GPR158: variants seen among roughly 807,000 people sequenced by gnomAD.
GPR158 encodes the protein G protein-coupled receptor 158.
Under a neutral mutation model 78.2 loss-of-function variants are expected in GPR158, and 30 were observed. The ratio of observed to expected loss-of-function variants is 0.38; its 90% CI spans 0.29 to 0.52. The LOEUF (loss-of-function observed/expected upper bound fraction) is 0.52. Ranked by LOEUF, GPR158 falls within the 20% of genes least tolerant of loss-of-function variation. The pLI, the probability that GPR158 is intolerant of heterozygous loss-of-function variation, is 0.83. For missense variants in GPR158, 1,463 were observed against 1,523.5 expected, an observed-to-expected ratio of 0.96 and a Z score of 0.66; for synonymous variants, 581 against 591.1, an observed-to-expected ratio of 0.98 and a Z score of 0.25.
At chr10:25,423,693 G>A (rs1033108143) in intron 4 of GPR158, among the ~76,000 whole-genome samples, 2 of 152,094 alleles carry the variant, frequency 1.3e-5, no homozygotes, top group African/African-American at 4.8e-5. Flanking sequence ...CTTCATCCAT[G>A]TCCCTACAAA....
intron 5 of GPR158, among the ~76,000 whole-genome samples, chr10:25,467,073 G>T (rs1215369276): frequency 6.6e-6 from 1 of 152,080 alleles, no homozygotes; most frequent in African/African-American, 2.4e-5. Context: ...TACATTTTAG[G>T]GAGGCATGAG....
intron 9 of GPR158, among the ~76,000 whole-genome samples, chr10:25,594,920 C>T (rs955931370): frequency 1.3e-5 from 2 of 152,024 alleles, no homozygotes; most frequent in African/African-American, 4.8e-5. Context: ...GACTCGTGGA[C>T]CTTCCAGAAA....
chr10:25,373,899 A>T (rs537475176), intron 2 of GPR158, among the ~76,000 whole-genome samples: 10 of 151,906 alleles, frequency 6.6e-5, no homozygotes, highest in African/African-American at 1.9e-4. Context: ...AATGACATTT[A>T]TGCAGTGCTT....
intron 2 of GPR158, among the ~76,000 whole-genome samples, chr10:25,392,664 G>GT (rs397845562): frequency 0.014 from 2,084 of 149,680 alleles, 18 homozygotes; most frequent in Non-Finnish European, 0.018. Flanking sequence ...TATATTTACA[G>GT]TTTTTTTTTT....
At chr10:25,587,886 A>G (rs900695564) in intron 7 of GPR158, among the ~76,000 whole-genome samples, 1 of 152,250 alleles carries the variant, frequency 6.6e-6, no homozygotes, top group African/African-American at 2.4e-5. Flanking sequence ...TGGATGATCC[A>G]TGTTTTGAGT....
intron 2 of GPR158, among the ~76,000 whole-genome samples, chr10:25,327,834 A>G (rs1855058773): frequency 1.1e-5 from 1 of 90,372 alleles, no homozygotes; most frequent in Non-Finnish European, 3.4e-5. Context: ...GGTTTGAAAT[A>G]TCAAACTTGT....
chr10:25,288,691 C>T (rs775914957), intron 2 of GPR158, among the ~76,000 whole-genome samples: 61 of 152,164 alleles, frequency 4.0e-4, no homozygotes, highest in Non-Finnish European at 2.5e-4. Context: ...TTCATTCAGG[C>T]AGGGAACAAA....
intron 1 of GPR158, among the ~76,000 whole-genome samples, chr10:25,198,044 G>T (rs987804690): frequency 5.3e-5 from 8 of 152,084 alleles, no homozygotes; most frequent in Non-Finnish European, 1.2e-4. Flanking sequence ...GCAGACTCAA[G>T]ATATATTTTT....
chr10:25,241,174 TTTCTTTC>T (rs1853606407), intron 2 of GPR158, among the ~76,000 whole-genome samples: 1 of 111,834 alleles, frequency 8.9e-6, no homozygotes, highest in Non-Finnish European at 1.8e-5. Flanking sequence ...TCTTTCTTTC[TTTCTTTC>T]TTTCTTTCCT....
At chr10:25,395,508 C>G (rs1375914768) in intron 2 of GPR158, among the ~76,000 whole-genome samples, 1 of 152,122 alleles carries the variant, frequency 6.6e-6, no homozygotes, top group Non-Finnish European at 1.5e-5. Context: ...ACCTACCTGC[C>G]TATCTACCCA....
At chr10:25,186,680 T>A (rs1852691878) in intron 1 of GPR158, among the ~76,000 whole-genome samples, 1 of 152,162 alleles carries the variant, frequency 6.6e-6, no homozygotes, top group East Asian at 1.9e-4. Flanking sequence ...CAGGAAGAAG[T>A]TGAATCCCTG....
chr10:25,589,647 G>T (rs1046688427), intron 8 of GPR158, among the ~76,000 whole-genome samples: 1 of 152,140 alleles, frequency 6.6e-6, no homozygotes, highest in African/African-American at 2.4e-5. Flanking sequence ...TGTGCAATGG[G>T]CTTTGGTGCT....
At chr10:25,485,128 T>A (rs946595192) in intron 5 of GPR158, among the ~76,000 whole-genome samples, 1 of 151,588 alleles carries the variant, frequency 6.6e-6, no homozygotes, top group African/African-American at 2.4e-5. Context: ...AGAAAAAAAA[T>A]AGTTGTTAGA....
chr10:25,493,341 C>T (rs1835836635), intron 5 of GPR158, among the ~76,000 whole-genome samples: 1 of 152,166 alleles, frequency 6.6e-6, no homozygotes, highest in African/African-American at 2.4e-5. Flanking sequence ...TCATTCTATT[C>T]CAGCCAAGTT....
intron 2 of GPR158, among the ~76,000 whole-genome samples, chr10:25,245,935 A>G (rs1853683719): frequency 6.6e-6 from 1 of 152,230 alleles, no homozygotes; most frequent in Non-Finnish European, 1.5e-5. Flanking sequence ...AAGATACTCC[A>G]AAACTAATTT....
intron 2 of GPR158, among the ~76,000 whole-genome samples, chr10:25,248,586 T>G (rs1485950279): frequency 3.5e-4 from 53 of 151,286 alleles, no homozygotes; most frequent in East Asian, 9.7e-4. Context: ...TTTCCCCATT[T>G]CTTGTTTTTC....
intron 6 of GPR158, among the ~76,000 whole-genome samples, chr10:25,564,383 TTTC>T (rs1836901316): frequency 6.6e-6 from 1 of 152,222 alleles, no homozygotes; most frequent in South Asian, 2.1e-4. Flanking sequence ...GATCATCTCA[TTTC>T]CCATTCTTTC....
At chr10:25,378,568 ATTTC>A (rs1035044762) in intron 2 of GPR158, among the ~76,000 whole-genome samples, 2 of 151,482 alleles carry the variant, frequency 1.3e-5, no homozygotes, top group Non-Finnish European at 2.9e-5. Flanking sequence ...TTAATACAGT[ATTTC>A]TTTTTTTATT....
chr10:25,241,280 C>CCTTTCT (rs1853614048), intron 2 of GPR158, among the ~76,000 whole-genome samples: 2 of 24,626 alleles, frequency 8.1e-5, no homozygotes, highest in African/African-American at 3.0e-4. Context: ...TCCTTTCTTT[C>CCTTTCT]TTTCTTTTCT....
Sources: gnomAD v4.1 joint callset for allele counts (sites outside exome capture counted in the v4.1 genomes callset) on GRCh38, gnomAD v4.1.1 for gene constraint, MANE v1.5 for transcripts, NCBI Gene and HGNC (gene_info 2026-07-23, HGNC 2026-07-21) for gene names.